Variants in C4orf51 observed in about 807,000 individuals in gnomAD.
C4orf51 encodes uncharacterized protein C4orf51.
C4orf51 carries 25 observed loss-of-function variants against 25.2 expected under a neutral mutation model. That is an observed-to-expected ratio of 0.99 (90% CI 0.72 to 1.39). C4orf51 has a LOEUF of 1.39. Among genes scored for constraint, C4orf51 ranks in the 40% most tolerant of loss-of-function variants. The pLI is 0.00. For synonymous variants in C4orf51, 100 were observed against 84.5 expected (o/e 1.18, Z -1.01); for missense variants, 252 against 239.6 (o/e 1.05, Z -0.34).
chr4:145,718,937 G>A (rs940058468), intron 2 of C4orf51, among the ~76,000 whole-genome samples: 1 of 152,206 alleles, frequency 6.6e-6, no homozygotes, highest in African/African-American at 2.4e-5. Context: ...CTTCAGAGAG[G>A]TCTTTCCTGC....
At chr4:145,718,191 A>T (rs1245912893) in intron 2 of C4orf51, among the ~76,000 whole-genome samples, 4 of 152,196 alleles carry the variant, frequency 2.6e-5, no homozygotes, top group African/African-American at 9.7e-5. Flanking sequence ...GTTCCAGGAG[A>T]TGTAACATGC....
At chr4:145,767,191 G>T (rs1279900233) in intron 1 of C4orf51, among the ~76,000 whole-genome samples, 2 of 152,202 alleles carry the variant, frequency 1.3e-5, no homozygotes, top group African/African-American at 4.8e-5. Context: ...AAGAAGTTAA[G>T]TAGAGACATG....
chr4:145,773,052 A>G (rs1473222940), downstream of C4orf51, among the ~76,000 whole-genome samples: 1 of 152,168 alleles, frequency 6.6e-6, no homozygotes, highest in African/African-American at 2.4e-5. Flanking sequence ...AAGGTTTTCA[A>G]CTGGGTTCAG....
the C4orf51 span, among the ~76,000 whole-genome samples, chr4:145,789,647 A>G: frequency 4.3e-4 from 66 of 152,328 alleles, no homozygotes; most frequent in African/African-American, 1.6e-3. Flanking sequence ...CCAAACCCGA[A>G]TCTGTCTGAC....
At chr4:145,694,104 T>C (rs1203482339) in intron 1 of C4orf51, among the ~76,000 whole-genome samples, 3 of 126,082 alleles carry the variant, frequency 2.4e-5, no homozygotes, top group East Asian at 2.8e-4. Flanking sequence ...ACATCCCAGA[T>C]GGGGCGGCGG....
Position 145,761,108 on chromosome 4 carries a change from C to A in C4orf51, n.167-9880C>A. The A allele has an allele frequency of 7.8e-7, 1 of 1,289,540 alleles. No homozygotes were observed. Among genetic ancestry groups the A allele is most frequent in the Admixed American group, 2.3e-5 (1 of 43,566 alleles). The allele number at this position is 1,289,540 out of a possible 1,614,324, so 79.9% of individuals were successfully genotyped here. On this transcript the variant is annotated intron_variant and non_coding_transcript_variant, in intron 1 of 1. Transcript: ENST00000510096. This position sits in a 1 kb window ranked among gnomAD's most constrained non-coding sequence, Gnocchi z 6.8. Reference sequence around the variant, plus strand: ...GGAGACAGGAGATTCCGGGAGCTCCCGACCACCAGGAGCGGGGCCCCCGGG... The same window carrying A: ...GGAGACAGGAGATTCCGGGAGCTCCAGACCACCAGGAGCGGGGCCCCCGGG...
At chr4:145,711,556 T>A (rs1458554561) in intron 2 of C4orf51, among the ~76,000 whole-genome samples, 1 of 152,200 alleles carries the variant, frequency 6.6e-6, no homozygotes, top group African/African-American at 2.4e-5. Context: ...GTATATTAGT[T>A]ATCTTGATAG....
chr4:145,705,421 G>A (rs534010659), intron 2 of C4orf51, among the ~76,000 whole-genome samples: 9 of 152,120 alleles, frequency 5.9e-5, no homozygotes, highest in East Asian at 1.9e-4. Flanking sequence ...AAGCTAGGCC[G>A]TCTCCTGCCC....
chr4:145,729,528 T>G (rs563455947), intron 4 of C4orf51, among the ~76,000 whole-genome samples: 2 of 152,042 alleles, frequency 1.3e-5, no homozygotes, highest in Non-Finnish European at 2.9e-5. Flanking sequence ...GTCTCGATCT[T>G]CCGACCTTGT....
At chr4:145,705,322 A>G (rs1015791551) in intron 2 of C4orf51, among the ~76,000 whole-genome samples, 4 of 152,178 alleles carry the variant, frequency 2.6e-5, no homozygotes, top group African/African-American at 9.7e-5. Flanking sequence ...GCTGTGACCA[A>G]TTATTATTTT....
downstream of C4orf51, chr4:145,774,409 T>C: frequency 7.4e-7 from 1 of 1,344,326 alleles, no homozygotes; most frequent in Non-Finnish European, 1.0e-6. Flanking sequence ...AAAAGGGCAA[T>C]GTCTCAGGGC....
intron 2 of C4orf51, among the ~76,000 whole-genome samples, chr4:145,715,203 T>C (rs1731344034): frequency 6.6e-6 from 1 of 152,162 alleles, no homozygotes; most frequent in Admixed American, 6.5e-5. Flanking sequence ...AAGCAGCTCA[T>C]GGGTGGGTTT....
the C4orf51 span, among the ~76,000 whole-genome samples, chr4:145,781,123 G>T: frequency 1.3e-5 from 2 of 150,200 alleles, no homozygotes; most frequent in African/African-American, 4.9e-5. Context: ...GTGAACCCGG[G>T]AGGTGGAGGT....
At chr4:145,783,812 A>G in the C4orf51 span, among the ~76,000 whole-genome samples, 1 of 152,216 alleles carries the variant, frequency 6.6e-6, no homozygotes, top group Non-Finnish European at 1.5e-5. Flanking sequence ...AAAGGGAAAG[A>G]TGGGAAAAGT....
chr4:145,717,606 CT>C (rs1223468447), intron 2 of C4orf51, among the ~76,000 whole-genome samples: 5 of 152,200 alleles, frequency 3.3e-5, no homozygotes, highest in African/African-American at 4.8e-5. Flanking sequence ...CTTTGGTCAA[CT>C]TGTTGTTCCT....
At chr4:145,707,705 A>C (rs941268808) in intron 2 of C4orf51, among the ~76,000 whole-genome samples, 6 of 152,156 alleles carry the variant, frequency 3.9e-5, no homozygotes, top group Non-Finnish European at 2.9e-5. Flanking sequence ...AAGGGATGTG[A>C]ATTTTTTCTT....
chr4:145,715,924 CTCTGGGTGATATAA>C (rs1731385396), intron 2 of C4orf51, among the ~76,000 whole-genome samples: 1 of 152,104 alleles, frequency 6.6e-6, no homozygotes, highest in Admixed American at 6.5e-5. Context: ...GAGCTTGGAG[CTCTGGGTGATATAA>C]TCTGAGCTTT....
intron 1 of C4orf51, among the ~76,000 whole-genome samples, chr4:145,690,765 A>C (rs1039820744): frequency 6.6e-6 from 1 of 152,302 alleles, no homozygotes; most frequent in Admixed American, 6.5e-5. Context: ...AGAATCCACA[A>C]GGAACTTAAA....
chr4:145,757,882 T>C (rs1288481306), downstream of C4orf51: 1 of 152,176 alleles, frequency 6.6e-6, no homozygotes, highest in Non-Finnish European at 1.5e-5. Context: ...CTGAGAACCC[T>C]AACTGCATTA....
Sources: allele counts gnomAD v4.1 joint callset (sites outside exome capture counted in the v4.1 genomes callset), GRCh38; gene constraint gnomAD v4.1.1; non-coding constraint Gnocchi (gnomAD v3.1); transcripts MANE v1.5; gene names NCBI Gene and HGNC (gene_info 2026-07-23, HGNC 2026-07-21).